The following SIL1 variants were observed in gnomAD, a reference collection of about 807,000 sequenced individuals.
The protein encoded by SIL1 is SIL1 nucleotide exchange factor, also known as nucleotide exchange factor SIL1.
SIL1 carries 40 observed loss-of-function variants against 49.1 expected under a neutral mutation model. The observed-to-expected ratio is 0.81, with a 90% CI of 0.63 to 1.06. The LOEUF (loss-of-function observed/expected upper bound fraction) is 1.06. Ranked by LOEUF, SIL1 falls within the 50% of genes least tolerant of loss-of-function variation. The pLI, the probability that SIL1 is intolerant of heterozygous loss-of-function variation, is 0.00. For synonymous variants in SIL1, 253 were observed against 250.8 expected (o/e 1.01, Z -0.08); for missense variants, 500 against 572.6 (o/e 0.87, Z 1.29).
intron 5 of SIL1, among the ~76,000 whole-genome samples, chr5:139,040,554 A>G (rs1184089764): frequency 1.4e-5 from 2 of 140,884 alleles, no homozygotes; most frequent in Admixed American, 1.5e-4. Flanking sequence ...GCTGGAGTGC[A>G]ATGGTGCAAT....
chr5:139,003,016 G>A (rs1436615199), intron 7 of SIL1, among the ~76,000 whole-genome samples: 3 of 152,142 alleles, frequency 2.0e-5, no homozygotes, highest in Non-Finnish European at 4.4e-5. Flanking sequence ...TAGGACCCTG[G>A]AGCTAGAGGT....
chr5:139,135,311 A>T (rs924504539), intron 1 of SIL1, among the ~76,000 whole-genome samples: 2 of 152,130 alleles, frequency 1.3e-5, no homozygotes, highest in African/African-American at 4.8e-5. Context: ...GCAAAGAGGG[A>T]CTGCTCTCAA....
intron 7 of SIL1, among the ~76,000 whole-genome samples, chr5:139,003,700 G>GA: frequency 6.6e-6 from 1 of 152,262 alleles, no homozygotes; most frequent in East Asian, 1.9e-4. Flanking sequence ...TAAAAACAGA[G>GA]AAAGAGAGAG....
chr5:139,090,136 A>C (rs1339454616), intron 3 of SIL1, among the ~76,000 whole-genome samples: 3 of 152,056 alleles, frequency 2.0e-5, no homozygotes, highest in African/African-American at 7.2e-5. Flanking sequence ...ACTCTCACCC[A>C]GTGACAACCA....
intron 1 of SIL1, among the ~76,000 whole-genome samples, chr5:139,132,076 GAC>G (rs1379301336): frequency 2.0e-5 from 3 of 152,134 alleles, no homozygotes; most frequent in African/African-American, 7.2e-5. Context: ...CACACATACA[GAC>G]ACACAGTTAT....
At chr5:139,093,522 G>A (rs956405319) in intron 3 of SIL1, among the ~76,000 whole-genome samples, 1 of 152,170 alleles carries the variant, frequency 6.6e-6, no homozygotes, top group Non-Finnish European at 1.5e-5. Flanking sequence ...TGGCCATTGC[G>A]CTGAGGATAG....
intron 1 of SIL1, among the ~76,000 whole-genome samples, chr5:139,154,367 GC>G (rs1358538969): frequency 6.6e-6 from 1 of 152,174 alleles, no homozygotes; most frequent in Admixed American, 6.5e-5. Context: ...ACATTACAGT[GC>G]CCTTTACTCA....
chr5:139,102,496 AAAAAAGAGAGAG>A (rs1297529311), intron 3 of SIL1, among the ~76,000 whole-genome samples: 17 of 144,724 alleles, frequency 1.2e-4, no homozygotes, highest in Admixed American at 8.2e-4. Context: ...AAAAAAAAAA[AAAAAAGAGAGAG>A]AGAGAGAGAG....
intron 3 of SIL1, among the ~76,000 whole-genome samples, chr5:139,111,758 C>T (rs1442334644): frequency 6.6e-6 from 1 of 152,212 alleles, no homozygotes; most frequent in African/African-American, 2.4e-5. Flanking sequence ...TTCTTCATCT[C>T]CTCATCTCCC....
chr5:139,066,016 A>C (rs1167119546), intron 3 of SIL1, among the ~76,000 whole-genome samples: 1 of 152,186 alleles, frequency 6.6e-6, no homozygotes, highest in Non-Finnish European at 1.5e-5. Context: ...GGACCTCAGC[A>C]TTCTGAGCTA....
chr5:138,975,692 C>G (rs1479226857), intron 7 of SIL1, among the ~76,000 whole-genome samples: 3 of 152,206 alleles, frequency 2.0e-5, no homozygotes, highest in African/African-American at 7.2e-5. Context: ...ACAAAAAGAA[C>G]TGAAGTTTCC....
rs556364302 is a variant in SIL1 at position 138,985,059 on chromosome 5, C to T, written c.768-33175G>A. ...AGTGGGCACATGGGGAGAAGAGAAG[C>T]AGGGCTCAGCTCTTATCTCTATAGC... On this transcript the variant is annotated intron_variant, in intron 7 of 9. Transcript: ENST00000394817. 1.1e-4 allele frequency among the ~76,000 whole-genome samples: 16 copies of T among 152,338 alleles called. No homozygotes were observed. The South Asian group carries it at 3.3e-3, about 32-fold the overall frequency.
At chr5:139,157,449 A>G (rs929632804) in intron 1 of SIL1, among the ~76,000 whole-genome samples, 1 of 152,126 alleles carries the variant, frequency 6.6e-6, no homozygotes, top group African/African-American at 2.4e-5. Flanking sequence ...ACACCAAGAG[A>G]AGGAGTGAGC....
intron 7 of SIL1, among the ~76,000 whole-genome samples, chr5:138,967,775 C>A (rs1224094072): frequency 2.0e-5 from 3 of 152,090 alleles, no homozygotes; most frequent in Admixed American, 6.6e-5. Flanking sequence ...AGCAGCCCCC[C>A]CAGGACTAGA....
chr5:139,068,655 G>GAAAAAAAAAAAAAAAAA (rs745799045), intron 3 of SIL1, among the ~76,000 whole-genome samples: 1 of 64,812 alleles, frequency 1.5e-5, no homozygotes, highest in Non-Finnish European at 4.1e-5. Flanking sequence ...GAATGAAAAG[G>GAAAAAAAAAAAAAAAAA]AAAAAAAAAA....
intron 3 of SIL1, among the ~76,000 whole-genome samples, chr5:139,080,133 A>G (rs1770041191): frequency 6.6e-6 from 1 of 152,260 alleles, no homozygotes; most frequent in Admixed American, 6.5e-5. Context: ...CTCCAAATAA[A>G]ACTAAATATA....
chr5:139,143,708 T>A (rs1387051528), intron 1 of SIL1, among the ~76,000 whole-genome samples: 1 of 151,970 alleles, frequency 6.6e-6, no homozygotes, highest in Non-Finnish European at 1.5e-5. Flanking sequence ...CCTTCACAAA[T>A]AAAACCTGTT....
intron 3 of SIL1, among the ~76,000 whole-genome samples, chr5:139,073,035 C>A (rs1581078809): frequency 6.6e-6 from 1 of 152,056 alleles, no homozygotes; most frequent in Admixed American, 6.6e-5. Flanking sequence ...AGAATGGCTA[C>A]TACCAAAAAG....
chr5:139,121,061 G>T lies in SIL1; in HGVS notation c.218C>A (p.Thr73Lys), dbSNP rs371005800. ...TGGCTGAAGGGCCTGCCACTCATGC[G>T]TCGGGTGGAACACCTCCAGGACTTC... Reference protein sequence around the residue: ...DAEVLEVFHPTHEWQALQPGQ... With the variant: ...DAEVLEVFHPKHEWQALQPGQ... The change falls in exon 3 of 10, where the codon ACG becomes AAG. Residue 73 changes from threonine to lysine, a missense_variant. Coordinates refer to ENST00000394817, the MANE Select transcript of SIL1 (RefSeq NM_022464.5). 1 of 1,614,130 alleles carries T rather than the reference G, an allele frequency of 6.2e-7. No individual in the cohort carries two copies. Among genetic ancestry groups the T allele is most frequent in the African/African-American group, 1.3e-5 (1 of 75,034 alleles).
Sources: allele counts gnomAD v4.1 joint callset (sites outside exome capture counted in the v4.1 genomes callset), GRCh38; gene constraint gnomAD v4.1.1; transcripts MANE v1.5; gene names NCBI Gene and HGNC (gene_info 2026-07-23, HGNC 2026-07-21).